Variants in EHD1 observed in about 807,000 individuals in gnomAD.
EHD1 encodes EH domain-containing protein 1.
A neutral mutation model predicts 39.0 loss-of-function variants in EHD1; 19 were observed. That is an observed-to-expected ratio of 0.49 (90% CI 0.34 to 0.72). The LOEUF is 0.72. Among genes scored for constraint, EHD1 ranks in the 30% least tolerant of loss-of-function variants. The pLI, the probability that EHD1 is intolerant of heterozygous loss-of-function variation, is 0.01. For missense variants in EHD1, 542 were observed against 751.5 expected (o/e 0.72, Z 3.26); for synonymous variants, 323 against 331.2 (o/e 0.98, Z 0.27).
rs758380064 is a variant in EHD1 at position 64,854,289 on chromosome 11, C to T, written c.*44G>A. Reference sequence around the variant, plus strand: ...AGGCTTCCCCTCCCCCCGTCTCTGCCTCCCGGCCGGGCGTGCAAATGGCAG... The same window carrying T: ...AGGCTTCCCCTCCCCCCGTCTCTGCTTCCCGGCCGGGCGTGCAAATGGCAG... On this transcript the variant is annotated 3_prime_UTR_variant, in exon 5 of 5. Transcript: ENST00000320631. 10 of 1,550,170 alleles carry T rather than the reference C, an allele frequency of 6.5e-6. No individual in the cohort carries two copies. The Admixed American group carries it at 1.3e-4, about 20-fold the overall frequency.
chr11:64,878,612 T>A lies in EHD1; in HGVS notation c.-148A>T. 7.0e-7 allele frequency: 1 copy of A among 1,420,838 alleles called. No individual in the cohort carries two copies. Among genetic ancestry groups the A allele is most frequent in the Non-Finnish European group, 9.1e-7 (1 of 1,093,550 alleles). The allele number at this position is 1,420,838 out of a possible 1,614,324, so 88.0% of individuals were successfully genotyped here. A position where few individuals can be genotyped will look rare whatever the true frequency, so the allele number is the denominator to read the frequency against. ...CACAGCCCAGCCCGTCGAAGCGCCC[T>A]CTGCCGAATGCTGCGCACCCCTCGC... On this transcript the variant is annotated 5_prime_UTR_variant, in exon 1 of 5. Transcript: ENST00000320631.
At chr11:64,876,025 T>C (rs1565725676) in intron 1 of EHD1, among the ~76,000 whole-genome samples, 1 of 152,212 alleles carries the variant, frequency 6.6e-6, no homozygotes, top group Non-Finnish European at 1.5e-5. Context: ...CCAGGGTATA[T>C]GGCAGAAAAC....
At position 64,878,280 on chromosome 11, in the gene EHD1, A is replaced by T; in HGVS notation, c.185T>A (p.Leu62His). Residue 62 changes from leucine (L) to histidine (H), a missense_variant, in exon 1 of 5, where the codon CTC becomes CAC. Coordinates refer to ENST00000320631, the MANE Select transcript of EHD1 (RefSeq NM_006795.4). ...DADFDNKPMV[L>H]LVGQYSTGKT... ...GCCCGTGCTGTACTGCCCCACGAGGAGCACCATAGGCTTGTTGTCGAAGTC... is the reference window on the plus strand; with the variant it reads ...GCCCGTGCTGTACTGCCCCACGAGGTGCACCATAGGCTTGTTGTCGAAGTC... The T allele has an allele frequency of 6.2e-7, 1 of 1,614,162 alleles. No individual in the cohort carries two copies. Among genetic ancestry groups the T allele is most frequent in the Non-Finnish European group, 8.5e-7 (1 of 1,180,022 alleles).
chr11:64,878,939 G>T, upstream of EHD1: 1 of 1,013,124 alleles, frequency 9.9e-7, no homozygotes, highest in Non-Finnish European at 1.2e-6. Context: ...GCGCCTTCCG[G>T]CACCGTGGCC....
intron 1 of EHD1, among the ~76,000 whole-genome samples, chr11:64,876,283 T>C (rs1943884665): frequency 6.6e-6 from 1 of 152,202 alleles, no homozygotes; most frequent in Non-Finnish European, 1.5e-5. Flanking sequence ...TGGGAGAGGC[T>C]GTATCAGCCA....
chr11:64,860,349 G>A lies in EHD1; in HGVS notation c.503-13C>T. On this transcript the variant is annotated splice_polypyrimidine_tract_variant and intron_variant, in intron 2 of 4. Coordinates refer to ENST00000320631, the MANE Select transcript of EHD1 (RefSeq NM_006795.4). ...GCAAAGTCATAGCCTGGGGGGAAGAGAAGGGAGAGCTCAGGGGCGCCAAGG... is the reference window on the plus strand; with the variant it reads ...GCAAAGTCATAGCCTGGGGGGAAGAAAAGGGAGAGCTCAGGGGCGCCAAGG... 1.2e-6 allele frequency: 2 copies of A among 1,602,384 alleles called. No individual in the cohort carries two copies. Among genetic ancestry groups the A allele is most frequent in the South Asian group, 2.2e-5 (2 of 90,596 alleles).
chr11:64,878,986 C>G (rs1343213030), upstream of EHD1: 1 of 998,290 alleles, frequency 1.0e-6, no homozygotes, highest in Non-Finnish European at 1.2e-6. Context: ...ACGAGACACC[C>G]AGTCAGGCAC....
chr11:64,854,823 T>C lies in EHD1; in HGVS notation c.1115A>G (p.Gln372Arg). The change falls in exon 5 of 5, where the codon CAG becomes CGG. Residue 372 changes from glutamine (Q) to arginine (R), a missense_variant. Coordinates refer to ENST00000320631, the MANE Select transcript of EHD1 (RefSeq NM_006795.4). ...GTCCAGCAGCTTGGGCTTCAGCGCC[T>C]GGAACTTGCTGAAGTCCTGGGTCTG... The part of the protein sequence containing the change: ...LLQTQDFSKF[Q>R]ALKPKLLDTV... 1 of 1,600,548 alleles carries C rather than the reference T, an allele frequency of 6.2e-7. No individual in the cohort carries two copies.
In EHD1 at chr11:64,857,222, C is replaced by T. The variant is rs549147832; in HGVS notation, c.916-1736G>A. Reference sequence around the variant, plus strand: ...GGCGGATCACCTAAAGTCAGGAGTTCGAGACCAGCCTGATCAACATGGTGA... The same window carrying T: ...GGCGGATCACCTAAAGTCAGGAGTTTGAGACCAGCCTGATCAACATGGTGA... On this transcript the variant is annotated intron_variant, in intron 3 of 4. Transcript: ENST00000320631. 2.4e-4 allele frequency among the ~76,000 whole-genome samples: 37 copies of T among 152,210 alleles called. No homozygotes were observed. The South Asian group carries it at 6.6e-3, about 27-fold the overall frequency.
upstream of EHD1, chr11:64,879,030 T>TCGCCA (rs899148412): frequency 1.2e-4 from 123 of 996,322 alleles, no homozygotes; most frequent in Non-Finnish European, 1.4e-4. Flanking sequence ...CGCCCGCCGT[T>TCGCCA]CGCCACGTGC....
intron 2 of EHD1, among the ~76,000 whole-genome samples, chr11:64,866,781 CT>C (rs1243757830): frequency 6.6e-6 from 1 of 152,154 alleles, no homozygotes; most frequent in Non-Finnish European, 1.5e-5. Flanking sequence ...CTCCATTTAC[CT>C]GTATAACAAA....
chr11:64,858,179 C>T (rs1433288818), intron 3 of EHD1, among the ~76,000 whole-genome samples: 1 of 86,330 alleles, frequency 1.2e-5, no homozygotes, highest in Admixed American at 1.3e-4. Flanking sequence ...TGGCCAGAGC[C>T]TATTTCTTTT....
In EHD1 at chr11:64,855,487, C is replaced by G; in HGVS notation, c.916-1G>C. 6.2e-7 allele frequency: 1 copy of G among 1,613,752 alleles called. No individual in the cohort carries two copies. Among genetic ancestry groups the G allele is most frequent in the Non-Finnish European group, 8.5e-7 (1 of 1,179,992 alleles). ...GGGAGCTGATGATGTAGGCGTGAAC[C>G]TGTGAGGACGGGGTGAGCATCAGGC... On this transcript the variant is annotated splice_acceptor_variant, in intron 3 of 4. Transcript: ENST00000320631. LOFTEE classifies it high-confidence loss of function.
chr11:64,873,163 A>C (rs1396025838), intron 2 of EHD1, among the ~76,000 whole-genome samples: 1 of 152,232 alleles, frequency 6.6e-6, no homozygotes, highest in African/African-American at 2.4e-5. Flanking sequence ...CCAGATCTTC[A>C]AAAGAGCTTG....
At chr11:64,871,325 C>T (rs184442128) in intron 2 of EHD1, among the ~76,000 whole-genome samples, 5 of 152,268 alleles carry the variant, frequency 3.3e-5, no homozygotes, top group South Asian at 2.1e-4. Context: ...CTGCCGGGAA[C>T]GCACTGCTCC....
In EHD1 at chr11:64,868,179, G is replaced by C. The variant is rs1033090416; in HGVS notation, c.502+6242C>G. On this transcript the variant is annotated intron_variant, in intron 2 of 4. Transcript: ENST00000320631. The surrounding 1 kb of genome is among the most constrained non-coding windows in gnomAD (Gnocchi z 4.2). ...AAACATAGAGGGTTTGTCTCCAATC[G>C]ACTTTTGTTTCCTGTCATTCAAGCT... Among the ~76,000 whole-genome samples the C allele has an allele frequency of 6.6e-6, 1 of 152,212 alleles. No homozygotes were observed. The highest frequency in any genetic ancestry group is 6.5e-5 in the Admixed American group (1 of 15,272).
chr11:64,858,939 T>C (rs768694649), intron 3 of EHD1, among the ~76,000 whole-genome samples: 37 of 152,194 alleles, frequency 2.4e-4, no homozygotes, highest in Non-Finnish European at 5.0e-4. Context: ...CAGCGTGACC[T>C]TGGCTTCCAT....
rs906134895 is a variant in EHD1 at position 64,855,217 on chromosome 11, G to A, written c.1080+105C>T. On this transcript the variant is annotated intron_variant, in intron 4 of 4. Coordinates refer to ENST00000320631, the MANE Select transcript of EHD1 (RefSeq NM_006795.4). The stretch of plus-strand genomic sequence containing the variant: ...ATTAACCCAGCTGCTTCCGTTCAGG[G>A]AGGCCCTTCCCCATGGAGATGGGAT... 27 of 1,464,188 alleles carry A rather than the reference G, an allele frequency of 1.8e-5. No homozygotes were observed. The African/African-American group carries it at 3.7e-4, about 20-fold the overall frequency. The allele number at this position is 1,464,188 out of a possible 1,614,324, so 90.7% of individuals were successfully genotyped here.
chr11:64,860,097 C>T lies in EHD1; in HGVS notation c.742G>A (p.Glu248Lys). 6.2e-7 allele frequency: 1 copy of T among 1,614,130 alleles called. No homozygotes were observed. Among genetic ancestry groups the T allele is most frequent in the Non-Finnish European group, 8.5e-7 (1 of 1,180,028 alleles). Residue 248 changes from glutamate (E) to lysine (K), a missense_variant, in exon 3 of 5, where the codon GAG (glutamate) becomes AAG (lysine). By Grantham distance (56) the Glu-to-Lys change is moderately conservative (BLOSUM62 1). Coordinates refer to ENST00000320631, the MANE Select transcript of EHD1 (RefSeq NM_006795.4). ...GAGCCGATGTAGACCCTGACCACCTCGGGGGTGTTGATGATCTTGCCCAGG... is the reference window on the plus strand; with the variant it reads ...GAGCCGATGTAGACCCTGACCACCTTGGGGGTGTTGATGATCTTGCCCAGG... ...WSLGKIINTP[E>K]VVRVYIGSFW...
Sources: gnomAD v4.1 joint callset for allele counts (sites outside exome capture counted in the v4.1 genomes callset) on GRCh38, gnomAD v4.1.1 for gene constraint, Gnocchi (gnomAD v3.1) non-coding constraint, MANE v1.5 for transcripts, NCBI Gene and HGNC (gene_info 2026-07-23, HGNC 2026-07-21) for gene names.